The following AHNAK2 variants were observed in gnomAD, a reference collection of about 807,000 sequenced individuals.
AHNAK2 encodes the protein AHNAK nucleoprotein 2, also known as protein AHNAK2.
A neutral mutation model predicts 30.7 loss-of-function variants in AHNAK2; 18 were observed. The ratio of observed to expected loss-of-function variants is 0.59; its 90% CI spans 0.41 to 0.87. AHNAK2 has a LOEUF of 0.87. Ranked by LOEUF, AHNAK2 falls within the 40% of genes least tolerant of loss-of-function variation. AHNAK2 has a pLI of 0.00. For synonymous variants in AHNAK2, 3,590 were observed against 3,073.8 expected, an observed-to-expected ratio of 1.17 and a Z score of -5.56; for missense variants, 8,604 against 7,373.0, an observed-to-expected ratio of 1.17 and a Z score of -6.11.
chr14:104,971,532 G>C lies in AHNAK2; in HGVS notation c.55+6651C>G, dbSNP rs1383497869. On this transcript the variant is annotated intron_variant, in intron 1 of 6. Coordinates refer to ENST00000333244, the MANE Select transcript of AHNAK2 (RefSeq NM_138420.4). ...CCCAAACTGCTGGGATTACAGGTGT[G>C]AGCCTCCGCACTGGCCTAGCTTTTT... Among the ~76,000 whole-genome samples the C allele has an allele frequency of 2.6e-5, 4 of 152,062 alleles. No homozygotes were observed. In the East Asian group the frequency reaches 5.8e-4, roughly 22 times the overall value.
rs200377681 is a variant in AHNAK2, at chr14:104,950,419, C to T, written c.5032G>A (p.Glu1678Lys). Residue 1678 changes from glutamate (E) to lysine (K), a missense_variant, in exon 7 of 7, where the codon GAG becomes AAG. By Grantham distance (56) the Glu-to-Lys change is moderately conservative. Transcript: ENST00000333244. ...FGVSAPGKSI[E>K]ASVDVSEPKV... Reference sequence around the variant, plus strand: ...GGCTCAGACACATCCACCGAGGCCTCGATGGACTTGCCTGGGGCCGACACC... The same window carrying T: ...GGCTCAGACACATCCACCGAGGCCTTGATGGACTTGCCTGGGGCCGACACC... 2.5e-5 allele frequency: 39 copies of T among 1,586,846 alleles called. 1 individual carries two copies. The highest frequency in any genetic ancestry group is 3.3e-4 in the Middle Eastern group (2 of 6,052).
chr14:104,954,600 G>C lies in AHNAK2; in HGVS notation c.851C>G (p.Ala284Gly). 3 of 1,610,766 alleles carry C rather than the reference G, an allele frequency of 1.9e-6. No homozygotes were observed. The highest frequency in any genetic ancestry group is 2.5e-6 in the Non-Finnish European group (3 of 1,178,880). Residue 284 changes from alanine (A) to glycine (G), a missense_variant, in exon 7 of 7, where the codon GCC becomes GGC. By Grantham distance (60) the Ala-to-Gly change is moderately conservative. Coordinates refer to ENST00000333244, the MANE Select transcript of AHNAK2 (RefSeq NM_138420.4). The surrounding 1 kb of genome is among the most constrained non-coding windows in gnomAD (Gnocchi z 4.3). ...GPQRSHSSSE[A>G]YEPRDAHDVS... is the part of the protein sequence containing the mutation. The stretch of plus-strand genomic sequence containing the variant: ...GTCATGTGCGTCCCTAGGTTCGTAG[G>C]CCTCTGACGAGCTGTGTGACCTCTG...
chr14:104,977,261 C>A (rs1307786995), intron 1 of AHNAK2, among the ~76,000 whole-genome samples: 1 of 152,230 alleles, frequency 6.6e-6, no homozygotes, highest in Non-Finnish European at 1.5e-5. Flanking sequence ...TGCCAATGCC[C>A]TGGGTGTGGT....
At position 104,942,770 on chromosome 14, in the gene AHNAK2, G is replaced by A. The variant is rs762254626; in HGVS notation, c.12681C>T (p.Pro4227=). 1 of 1,612,926 alleles carries A rather than the reference G, an allele frequency of 6.2e-7. No homozygotes were observed. Among genetic ancestry groups the A allele is most frequent in the South Asian group, 1.1e-5 (1 of 91,040 alleles). ...CCTGGGGGCCCTTGAGGGCCACTTTGGGCATCTTCAAACAGGGCATCTGCA... is the reference window on the plus strand; with the variant it reads ...CCTGGGGGCCCTTGAGGGCCACTTTAGGCATCTTCAAACAGGGCATCTGCA... ...PKVQMPCLKM[P]KVALKGPQVD... The change falls in exon 7 of 7, where the codon CCC becomes CCT. Residue 4227 remains proline, a synonymous_variant. Transcript: ENST00000333244.
intron 1 of AHNAK2, chr14:104,970,487 C>G: frequency 1.0e-6 from 1 of 985,452 alleles, no homozygotes; most frequent in South Asian, 4.7e-5. Context: ...CCCAACTGGC[C>G]CAGAAGCGAA....
chr14:104,953,192 G>T lies in AHNAK2; in HGVS notation c.2259C>A (p.Ser753Arg). ...GCACCTTGGGCAGGTGCCCTTTGAG[G>T]CTGGCTCCCTCGGGCAGGGGGCCCT... ...LPEGPLPEGASLKGHLPKVQR... is the reference protein window; with the variant it reads ...LPEGPLPEGARLKGHLPKVQR... The change falls in exon 7 of 7, where the codon AGC (serine) becomes AGA (arginine). Residue 753 changes from serine to arginine, a missense_variant. Transcript: ENST00000333244. 1 of 1,612,908 alleles carries T rather than the reference G, an allele frequency of 6.2e-7. No homozygotes were observed. Among genetic ancestry groups the T allele is most frequent in the East Asian group, 2.2e-5 (1 of 44,794 alleles).
chr14:104,946,369 T>C lies in AHNAK2; in HGVS notation c.9082A>G (p.Ile3028Val), dbSNP rs532445437. The change falls in exon 7 of 7, where the codon ATT (isoleucine) becomes GTT (valine). Residue 3028 changes from isoleucine to valine, a missense_variant. Ile to Val is a conservative substitution (Grantham distance 29). Transcript: ENST00000333244. ...TCCAGTTGGGCAGAGGGGGGCTCAA[T>C]GCTGATGTCAGTGGTCTTCAGGTCC... ...QGDLKTTDIS[I>V]EPPSAQLEVQ... is the part of the protein sequence containing the mutation. 1.2e-6 allele frequency: 2 copies of C among 1,611,992 alleles called. No homozygotes were observed. Among genetic ancestry groups the C allele is most frequent in the African/African-American group, 1.3e-5 (1 of 74,450 alleles).
chr14:104,962,917 A>T (rs528000397), intron 1 of AHNAK2, among the ~76,000 whole-genome samples: 236 of 152,356 alleles, frequency 1.5e-3, no homozygotes, highest in Non-Finnish European at 2.2e-3. Flanking sequence ...CTTCTAGAAG[A>T]AAATATAGGA....
In AHNAK2 at chr14:104,939,675, G is replaced by A; in HGVS notation, c.15776C>T (p.Ala5259Val). The change falls in exon 7 of 7, where the codon GCT (alanine) becomes GTT (valine). Residue 5259 changes from alanine to valine, a missense_variant. Transcript: ENST00000333244. ...ATCTGTGGATGATTTGCTCTCAGAA[G>A]CTGTCACTTCTGCATCTGCCTCTGG... ...QLPEADAEVTASESKSSTDIL... is the reference protein window; with the variant it reads ...QLPEADAEVTVSESKSSTDIL... 6.2e-7 allele frequency: 1 copy of A among 1,613,924 alleles called. No individual in the cohort carries two copies. The highest frequency in any genetic ancestry group is 8.5e-7 in the Non-Finnish European group (1 of 1,179,900).
In AHNAK2 at chr14:104,943,978, A is replaced by T. The variant is rs1898122976; in HGVS notation, c.11473T>A (p.Ser3825Thr). ...ACCTTGGGTGCAGACACGTGCACCG[A>T]GGCCTCAATGGACTTGCCTGGGGCA... Reference protein sequence around the residue: ...VSAPGKSIEASVHVSAPKVEA... With the variant: ...VSAPGKSIEATVHVSAPKVEA... The change falls in exon 7 of 7, where the codon TCG becomes ACG. Residue 3825 changes from serine to threonine, a missense_variant. Ser to Thr is a moderately conservative substitution (Grantham distance 58, BLOSUM62 1). Transcript: ENST00000333244. 6.2e-7 allele frequency: 1 copy of T among 1,611,596 alleles called. No homozygotes were observed. Among genetic ancestry groups the T allele is most frequent in the Non-Finnish European group, 8.5e-7 (1 of 1,179,234 alleles).
rs1258415248 is a variant in AHNAK2, at chr14:104,938,374, TCTC to T, written c.17074_17076del (p.Glu5692del). On this transcript the variant is annotated inframe_deletion, in exon 7 of 7. Transcript: ENST00000333244. Reference sequence around the variant, plus strand: ...TTGGGAAATCGGAACCAGCCTGCCTTCTCCTGTTTTTTAGGCAGTTCTGCCTCT... The same window carrying T: ...TTGGGAAATCGGAACCAGCCTGCCTTCTGTTTTTTAGGCAGTTCTGCCTCT... 5.6e-6 allele frequency: 9 copies of T among 1,613,872 alleles called. No individual in the cohort carries two copies. The highest frequency in any genetic ancestry group is 7.6e-6 in the Non-Finnish European group (9 of 1,179,900).
At chr14:104,961,452 C>T (rs551434271) in intron 1 of AHNAK2, among the ~76,000 whole-genome samples, 46 of 150,222 alleles carry the variant, frequency 3.1e-4, no homozygotes, top group South Asian at 1.5e-3. Context: ...GGGGCGGAGC[C>T]TGCAGTGAGC....
At position 104,944,172 on chromosome 14, in the gene AHNAK2, G is replaced by A; in HGVS notation, c.11279C>T (p.Pro3760Leu). The A allele has an allele frequency of 6.2e-7, 1 of 1,613,342 alleles. No individual in the cohort carries two copies. Among genetic ancestry groups the A allele is most frequent in the Non-Finnish European group, 8.5e-7 (1 of 1,179,724 alleles). The change falls in exon 7 of 7, where the codon CCT becomes CTT. Residue 3760 changes from proline to leucine, a missense_variant. Physicochemically the swap from Pro to Leu is moderately conservative, Grantham distance 98. Transcript: ENST00000333244. ...LKVSKAEVTAPDVEVSLPSVE... is the reference protein window; with the variant it reads ...LKVSKAEVTALDVEVSLPSVE... ...GCTGGGCAGAGACACCTCCACATCA[G>A]GGGCTGTGACTTCCGCCTTGGAGAC...
rs1426829721 is a variant in AHNAK2 at position 104,942,193 on chromosome 14, G to A, written c.13258C>T (p.Pro4420Ser). The A allele has an allele frequency of 6.2e-7, 1 of 1,612,908 alleles. No homozygotes were observed. Residue 4420 changes from proline (P) to serine (S), a missense_variant, in exon 7 of 7, where the codon CCC (proline) becomes TCC (serine). By Grantham distance (74) the Pro-to-Ser change is moderately conservative (BLOSUM62 -1). Coordinates refer to ENST00000333244, the MANE Select transcript of AHNAK2 (RefSeq NM_138420.4). ...LKGPKVEVTS[P>S]NLDVSLPSME... ...CTGGGCAGAGACACGTCCAGGTTGG[G>A]GGACGTCACCTCCACCTTGGGGCCT...
intron 1 of AHNAK2, among the ~76,000 whole-genome samples, chr14:104,977,697 AGCAGGTGAGAGGGCAAGCCTGGT>A (rs1265096470): frequency 6.6e-6 from 1 of 152,198 alleles, no homozygotes; most frequent in African/African-American, 2.4e-5. Flanking sequence ...TCTCCCGCAA[AGCAGGTGAGAGGGCAAGCCTGGT>A]GCAGGTGCCC....
chr14:104,946,288 C>G lies in AHNAK2; in HGVS notation c.9163G>C (p.Ala3055Pro). ...TTGGGCAGGTGCCCTTTGAGGCCAG[C>G]TCCCTCGGGAACGTGGCCCTCTGGG... is the stretch of plus-strand genomic sequence containing the variant. ...KLPEGHVPEG[A>P]GLKGHLPKLQ... Residue 3055 changes from alanine to proline, a missense_variant, in exon 7 of 7, where the codon GCT (alanine) becomes CCT (proline). By Grantham distance (27) the Ala-to-Pro change is conservative (BLOSUM62 -1). Transcript: ENST00000333244. 1.2e-6 allele frequency: 2 copies of G among 1,612,054 alleles called. No homozygotes were observed. The highest frequency in any genetic ancestry group is 1.7e-6 in the Non-Finnish European group (2 of 1,179,374).
chr14:104,946,893 T>C lies in AHNAK2; in HGVS notation c.8558A>G (p.Gln2853Arg). 2 of 1,612,438 alleles carry C rather than the reference T, an allele frequency of 1.2e-6. No homozygotes were observed. Among genetic ancestry groups the C allele is most frequent in the Middle Eastern group, 1.7e-4 (1 of 6,056 alleles). Residue 2853 changes from glutamine to arginine, a missense_variant, in exon 7 of 7, where the codon CAA becomes CGA. By Grantham distance (43) the Gln-to-Arg change is conservative. Coordinates refer to ENST00000333244, the MANE Select transcript of AHNAK2 (RefSeq NM_138420.4). Reference sequence around the variant, plus strand: ...GATGTCAGTGGTCTTAAGATCCCCTTGCATGGAGGGGAAGCTCCCGTCAGC... The same window carrying C: ...GATGTCAGTGGTCTTAAGATCCCCTCGCATGGAGGGGAAGCTCCCGTCAGC... Reference protein sequence around the residue: ...VEADGSFPSMQGDLKTTDIRI... With the variant: ...VEADGSFPSMRGDLKTTDIRI...
At chr14:104,976,815 G>T (rs1004554670) in intron 1 of AHNAK2, among the ~76,000 whole-genome samples, 1 of 152,180 alleles carries the variant, frequency 6.6e-6, no homozygotes, top group South Asian at 2.1e-4. Flanking sequence ...CAGGGAAGCT[G>T]GGGGCAGGGT....
chr14:104,946,968 G>C lies in AHNAK2; in HGVS notation c.8483C>G (p.Pro2828Arg), dbSNP rs371930751. 2.5e-6 allele frequency: 4 copies of C among 1,612,514 alleles called. No individual in the cohort carries two copies. The African/African-American group carries it at 5.4e-5, about 22-fold the overall frequency. ...FKMPSFGVSA[P>R]GKSIEASVDV... ...CACCGAGGCCTCGATGGACTTGCCTGGGGCCGACACCCCGAATGACGGCAT... is the reference window on the plus strand; with the variant it reads ...CACCGAGGCCTCGATGGACTTGCCTCGGGCCGACACCCCGAATGACGGCAT... The change falls in exon 7 of 7, where the codon CCA (proline) becomes CGA (arginine). Residue 2828 changes from proline (P) to arginine (R), a missense_variant. Transcript: ENST00000333244.
Sources: allele counts gnomAD v4.1 joint callset (sites outside exome capture counted in the v4.1 genomes callset), GRCh38; gene constraint gnomAD v4.1.1; non-coding constraint Gnocchi (gnomAD v3.1); transcripts MANE v1.5; gene names NCBI Gene and HGNC (gene_info 2026-07-23, HGNC 2026-07-21).